RPAP2: variants seen among roughly 807,000 people sequenced by gnomAD.
RPAP2 encodes the protein RNA polymerase II associated protein 2.
A neutral mutation model predicts 73.1 loss-of-function variants in RPAP2; 52 were observed. That is an observed-to-expected ratio of 0.71 (90% CI 0.57 to 0.90). RPAP2 has a LOEUF of 0.90. Ranked by LOEUF, RPAP2 falls within the 40% of genes least tolerant of loss-of-function variation. The pLI, the probability that RPAP2 is intolerant of heterozygous loss-of-function variation, is 0.00. For missense variants in RPAP2, 598 were observed against 701.8 expected (o/e 0.85, Z 1.67); for synonymous variants, 225 against 242.1 (o/e 0.93, Z 0.65).
chr1:92,309,418 G>A (rs1044317863), intron 6 of RPAP2, among the ~76,000 whole-genome samples: 1 of 145,468 alleles, frequency 6.9e-6, no homozygotes, highest in East Asian at 2.1e-4. Context: ...CTCCAGCCTG[G>A]TGACAGAGCA....
intron 11 of RPAP2, among the ~76,000 whole-genome samples, chr1:92,373,739 TAAAAAAAAAAAAAAAAAA>T (rs59586077): frequency 2.6e-4 from 21 of 80,486 alleles, no homozygotes; most frequent in Non-Finnish European, 4.7e-4. Context: ...CTACTAAAAA[TAAAAAAAAAAAAAAAAAA>T]AAAAAAAAAA....
In RPAP2 at chr1:92,395,934, AAGAC is replaced by A. The variant is rs1571165276; in HGVS notation, c.*8929_*8932del. ...ACCCACTAAAATGACTATAATAAAAAAGACAGACAAAGATATGTGTTGGTGATGA... is the reference window on the plus strand; with the variant it reads ...ACCCACTAAAATGACTATAATAAAAAAGACAAAGATATGTGTTGGTGATGA... On this transcript the variant is annotated 3_prime_UTR_variant, in exon 13 of 13. Transcript: ENST00000610020. The A allele has an allele frequency of 6.6e-6, 1 of 152,212 alleles. No homozygotes were observed. The highest frequency in any genetic ancestry group is 2.4e-5 in the African/African-American group (1 of 41,462). 9.4% of individuals were successfully genotyped at this position (152,212 alleles called of 1,614,324 possible). A position where few individuals can be genotyped will look rare whatever the true frequency, so the allele number is the denominator to read the frequency against.
At chr1:92,353,163 A>AT (rs1339830708) in intron 11 of RPAP2, among the ~76,000 whole-genome samples, 2 of 152,234 alleles carry the variant, frequency 1.3e-5, no homozygotes, top group South Asian at 2.1e-4. Flanking sequence ...TCATGTACAG[A>AT]TTTTTTTGTG....
chr1:92,330,140 T>A (rs1358895132), intron 8 of RPAP2, among the ~76,000 whole-genome samples: 1 of 152,200 alleles, frequency 6.6e-6, no homozygotes, highest in Non-Finnish European at 1.5e-5. Context: ...AAAACTGAGA[T>A]AAAAGCCAGA....
At chr1:92,354,890 A>ATTATT (rs1557620882) in intron 11 of RPAP2, among the ~76,000 whole-genome samples, 2 of 147,684 alleles carry the variant, frequency 1.4e-5, no homozygotes, top group African/African-American at 5.0e-5. Flanking sequence ...AATTTATGTA[A>ATTATT]ATTATTATTA....
intron 6 of RPAP2, among the ~76,000 whole-genome samples, chr1:92,312,865 AG>A (rs577731969): frequency 2.6e-4 from 39 of 148,950 alleles, no homozygotes; most frequent in African/African-American, 9.2e-4. Context: ...TCTGTCACCC[AG>A]GCTGGAGTGC....
At chr1:92,330,439 ATTTTTTTTTTTTTT>A (rs35101382) in intron 8 of RPAP2, among the ~76,000 whole-genome samples, 6 of 61,452 alleles carry the variant, frequency 9.8e-5, no homozygotes, top group Non-Finnish European at 1.7e-4. Context: ...TGGGTTGTCA[ATTTTTTTTTTTTTT>A]TTTTTTTTTT....
At chr1:92,321,944 C>CT (rs529045202) in intron 7 of RPAP2, among the ~76,000 whole-genome samples, 1,093 of 106,014 alleles carry the variant, frequency 0.01, 9 homozygotes, top group Non-Finnish European at 0.014. Flanking sequence ...AATTTTCTTT[C>CT]TTTTTTTTTT....
chr1:92,375,739 G>A (rs1571143758), intron 11 of RPAP2, among the ~76,000 whole-genome samples: 1 of 152,214 alleles, frequency 6.6e-6, no homozygotes, highest in African/African-American at 2.4e-5. Flanking sequence ...GCTAAGGCAG[G>A]AGAATCACTT....
Position 92,388,706 on chromosome 1 carries a change from C to T in RPAP2, c.*1695C>T, listed in dbSNP as rs1655946274. 1 of 152,392 alleles carries T rather than the reference C, an allele frequency of 6.6e-6. No individual in the cohort carries two copies. The highest frequency in any genetic ancestry group is 6.5e-5 in the Admixed American group (1 of 15,284). The allele number at this position is 152,392 out of a possible 1,614,324, so 9.4% of individuals were successfully genotyped here. A position where few individuals can be genotyped will look rare whatever the true frequency, so the allele number is the denominator to read the frequency against. ...CCCACAGTCTTCGCAACTGGCAGAC[C>T]ACGAAATCCCCTCCCATGCCTGGTT... is the stretch of plus-strand genomic sequence containing the variant. On this transcript the variant is annotated 3_prime_UTR_variant, in exon 13 of 13. Coordinates refer to ENST00000610020, the MANE Select transcript of RPAP2 (RefSeq NM_024813.3).
chr1:92,302,396 A>G (rs1366022679), intron 3 of RPAP2, among the ~76,000 whole-genome samples: 1 of 151,380 alleles, frequency 6.6e-6, no homozygotes, highest in East Asian at 1.9e-4. Context: ...CCAGTCTGCT[A>G]ATATCACTTG....
intron 10 of RPAP2, among the ~76,000 whole-genome samples, 147 bp from the exon 11 acceptor site, chr1:92,345,691 TTATTATAC>T (rs1215461455): frequency 6.6e-6 from 1 of 152,166 alleles, no homozygotes; most frequent in Non-Finnish European, 1.5e-5. Context: ...TTGAGCCACA[TTATTATAC>T]TATTGACTCT....
At chr1:92,304,920 G>C (rs1651096392) in intron 5 of RPAP2, among the ~76,000 whole-genome samples, 1 of 152,098 alleles carries the variant, frequency 6.6e-6, no homozygotes, top group African/African-American at 2.4e-5. Context: ...CGGATTACCT[G>C]AGCTCAAGGA....
intron 11 of RPAP2, among the ~76,000 whole-genome samples, chr1:92,376,119 TA>T (rs1655378619): frequency 1.3e-5 from 2 of 152,246 alleles, no homozygotes; most frequent in East Asian, 3.9e-4. Flanking sequence ...ACTATTTACA[TA>T]ACACTTACAT....
At position 92,399,302 on chromosome 1, in the gene RPAP2, T is replaced by A. The variant is rs1483202005; in HGVS notation, c.*12291T>A. ...CTCCCTTGGGGCTTGCAAAACTCCC[T>A]ATGTCTTGCAGACCAAAAGCAAGTT... On this transcript the variant is annotated 3_prime_UTR_variant, in exon 13 of 13. Coordinates refer to ENST00000610020, the MANE Select transcript of RPAP2 (RefSeq NM_024813.3). 1 of 152,220 alleles carries A rather than the reference T, an allele frequency of 6.6e-6. No individual in the cohort carries two copies. The highest frequency in any genetic ancestry group is 1.5e-5 in the Non-Finnish European group (1 of 68,036). 9.4% of individuals were successfully genotyped at this position (152,220 alleles called of 1,614,324 possible).
chr1:92,346,112 T>G (rs1487176305), intron 11 of RPAP2, among the ~76,000 whole-genome samples, 198 bp downstream of exon 11: 1 of 152,172 alleles, frequency 6.6e-6, no homozygotes, highest in Non-Finnish European at 1.5e-5. Flanking sequence ...TTTTTTACCA[T>G]CTTTTCTTCT....
intron 9 of RPAP2, 68 bp downstream of exon 9, chr1:92,333,541 G>A (rs1653099763): frequency 9.6e-7 from 1 of 1,037,126 alleles, no homozygotes; most frequent in Non-Finnish European, 1.5e-6. Context: ...AGCTCATAAT[G>A]TGTAAGTATT....
At chr1:92,306,468 C>T (rs529213742) in intron 5 of RPAP2, among the ~76,000 whole-genome samples, 2 of 152,134 alleles carry the variant, frequency 1.3e-5, no homozygotes, top group African/African-American at 2.4e-5. Context: ...ACTCAATTGT[C>T]TATAAATGGT....
intron 11 of RPAP2, among the ~76,000 whole-genome samples, chr1:92,373,814 G>A (rs957616720): frequency 2.7e-5 from 4 of 147,640 alleles, no homozygotes; most frequent in African/African-American, 1.0e-4. Flanking sequence ...CCAGCTACTC[G>A]GGACTCAGGC....
Sources: allele counts gnomAD v4.1 joint callset (sites outside exome capture counted in the v4.1 genomes callset), GRCh38; gene constraint gnomAD v4.1.1; transcripts MANE v1.5; gene names NCBI Gene and HGNC (gene_info 2026-07-23, HGNC 2026-07-21).